The following SEMA6D variants were observed in gnomAD, a reference collection of about 807,000 sequenced individuals.
SEMA6D encodes semaphorin 6D.
SEMA6D carries 35 observed loss-of-function variants against 106.6 expected under a neutral mutation model. That is an observed-to-expected ratio of 0.33 (90% confidence interval 0.25 to 0.44). SEMA6D has a LOEUF of 0.44. Among genes scored for constraint, SEMA6D ranks in the 20% least tolerant of loss-of-function variants. The pLI is 1.00. For synonymous variants in SEMA6D, 499 were observed against 487.7 expected, an observed-to-expected ratio of 1.02 and a Z score of -0.31; for missense variants, 1,185 against 1,345.9, an observed-to-expected ratio of 0.88 and a Z score of 1.87.
intron 1 of SEMA6D, among the ~76,000 whole-genome samples, chr15:47,250,217 T>C (rs1413982724): frequency 6.6e-6 from 1 of 152,162 alleles, no homozygotes; most frequent in Non-Finnish European, 1.5e-5. Context: ...CACTATGATA[T>C]ATCTATTAAC....
chr15:47,463,482 C>T (rs1418167022), intron 2 of SEMA6D, among the ~76,000 whole-genome samples: 2 of 152,160 alleles, frequency 1.3e-5, no homozygotes, highest in African/African-American at 4.8e-5. Flanking sequence ...GCTCAAACGC[C>T]AAAGTTTCTC....
rs536746584 is a variant in SEMA6D, at chr15:47,441,412, T to C, written c.-159+28940T>C. Among the ~76,000 whole-genome samples, 24 of 152,200 alleles carry C rather than the reference T, an allele frequency of 1.6e-4. No homozygotes were observed. In the East Asian group the frequency reaches 4.3e-3, roughly 27 times the overall value. ...TTGGGAGGGTAGGAACAAGGTGTAT[T>C]GAGAAATGACAAAATGGAGTGTTCC... is the stretch of plus-strand genomic sequence containing the variant. On this transcript the variant is annotated intron_variant, in intron 2 of 19. Transcript: ENST00000558014.
At chr15:47,697,117 G>A (rs2078716137) in intron 4 of SEMA6D, among the ~76,000 whole-genome samples, 2 of 152,058 alleles carry the variant, frequency 1.3e-5, no homozygotes, top group African/African-American at 4.8e-5. Context: ...CTTCCTTCTT[G>A]GCACCAGATT....
intron 4 of SEMA6D, among the ~76,000 whole-genome samples, chr15:47,704,322 T>TTATTTTTATTATATTA: frequency 6.6e-6 from 1 of 152,284 alleles, no homozygotes; most frequent in South Asian, 2.1e-4. Context: ...AGTGTTAATA[T>TTATTTTTATTATATTA]ATACCATCAC....
chr15:47,568,913 A>G (rs2046305035), intron 3 of SEMA6D, among the ~76,000 whole-genome samples: 1 of 152,156 alleles, frequency 6.6e-6, no homozygotes, highest in Non-Finnish European at 1.5e-5. Context: ...TATGGCCATC[A>G]TTAATTCTCC....
Position 47,771,253 on chromosome 15 carries a change from T to C in SEMA6D, c.2690T>C (p.Met897Thr), listed in dbSNP as rs1044869823. 9 of 1,613,960 alleles carry C rather than the reference T, an allele frequency of 5.6e-6. No individual in the cohort carries two copies. The highest frequency in any genetic ancestry group is 1.7e-5 in the Admixed American group (1 of 59,992). The change falls in exon 19 of 19, where the codon ATG becomes ACG. Residue 897 changes from methionine to threonine, a missense_variant. Physicochemically the swap from Met to Thr is moderately conservative, Grantham distance 81. Around this residue, in one of 3 missense-constraint regions of SEMA6D, gnomAD observed 750 missense variants for 783.5 expected, o/e 0.96. Transcript: ENST00000536845. Reference protein sequence around the residue: ...NDPNSNPKAIMGDIQMAHQNL... With the variant: ...NDPNSNPKAITGDIQMAHQNL... ...CCAAATAGTAACCCCAAAGCCATCA[T>C]GGGAGACATCCAGATGGCACACCAG... is the stretch of plus-strand genomic sequence containing the variant.
intron 2 of SEMA6D, among the ~76,000 whole-genome samples, chr15:47,428,246 A>G (rs1331395093): frequency 6.6e-6 from 1 of 152,116 alleles, no homozygotes; most frequent in Non-Finnish European, 1.5e-5. Flanking sequence ...ACCCAGCACC[A>G]CGACATATAA....
At chr15:47,438,931 G>A (rs570981241) in intron 2 of SEMA6D, among the ~76,000 whole-genome samples, 1 of 151,780 alleles carries the variant, frequency 6.6e-6, no homozygotes, top group East Asian at 1.9e-4. Flanking sequence ...AATTTTATAC[G>A]GCGCAATCTC....
In SEMA6D at chr15:47,773,557, T is replaced by C. The variant is rs1395789832; in HGVS notation, c.*1772T>C. The stretch of plus-strand genomic sequence containing the variant: ...AGTTCAACTGGATTTCTTTTGACAA[T>C]ACTGTTGGTACCTATTACTTGGGGG... On this transcript the variant is annotated 3_prime_UTR_variant, in exon 19 of 19. Transcript: ENST00000536845. 6.6e-6 allele frequency: 1 copy of C among 152,320 alleles called. No homozygotes were observed. The highest frequency in any genetic ancestry group is 1.5e-5 in the Non-Finnish European group (1 of 68,040). The allele number at this position is 152,320 out of a possible 1,614,324, so 9.4% of individuals were successfully genotyped here. A position where few individuals can be genotyped will look rare whatever the true frequency, so the allele number is the denominator to read the frequency against.
intron 1 of SEMA6D, among the ~76,000 whole-genome samples, chr15:47,350,568 A>G (rs980442378): frequency 2.6e-5 from 4 of 152,158 alleles, no homozygotes; most frequent in African/African-American, 4.8e-5. Context: ...TTCCACTTAA[A>G]CACGATTTTG....
At chr15:47,651,842 C>T (rs1414010853) in intron 4 of SEMA6D, among the ~76,000 whole-genome samples, 1 of 152,176 alleles carries the variant, frequency 6.6e-6, no homozygotes, top group African/African-American at 2.4e-5. Flanking sequence ...ATCTGGTCTC[C>T]AGGACACCTG....
intron 1 of SEMA6D, among the ~76,000 whole-genome samples, chr15:47,348,725 C>CAGAGAGAGAGAGAGAGAGAGAG (rs1398441234): frequency 1.0e-4 from 5 of 47,750 alleles, no homozygotes; most frequent in South Asian, 1.0e-3. Flanking sequence ...ACACCACACA[C>CAGAGAGAGAGAGAGAGAGAGAG]ACAGAGAGAG....
chr15:47,219,463 G>A (rs2030985088), intron 1 of SEMA6D, among the ~76,000 whole-genome samples: 1 of 152,174 alleles, frequency 6.6e-6, no homozygotes, highest in African/African-American at 2.4e-5. Context: ...CTTAAAGACT[G>A]TGATTACTGT....
intron 1 of SEMA6D, among the ~76,000 whole-genome samples, chr15:47,240,573 A>G (rs1993337): frequency 0.98 from 148,586 of 152,212 alleles, 72,634 homozygotes; most frequent in Middle Eastern, 1. Flanking sequence ...TACATCGTGC[A>G]TTGGGATCTC....
In SEMA6D at chr15:47,552,891, A is replaced by AATATATATATATTTTTATATAT. The variant is rs71118186; in HGVS notation, c.-86-47962_-86-47961insTTTTATATATATATATATATAT. 6.0e-3 allele frequency among the ~76,000 whole-genome samples: 211 copies of AATATATATATATTTTTATATAT among 35,290 alleles called. 20 individuals carry two copies. In the South Asian group the frequency reaches 0.06, roughly 10 times the overall value. 23.2% of individuals were successfully genotyped at this position (35,290 alleles called of 152,430 possible). A position where few individuals can be genotyped will look rare whatever the true frequency, so the allele number is the denominator to read the frequency against. On this transcript the variant is annotated intron_variant, in intron 3 of 19. Coordinates refer to the SEMA6D transcript ENST00000558014. ...TTTTATATATATATAAATATATATA[A>AATATATATATATTTTTATATAT]ATATATATATATATAAATATATATA...
At chr15:47,354,276 A>T (rs1378324963) in intron 1 of SEMA6D, among the ~76,000 whole-genome samples, 1 of 138,512 alleles carries the variant, frequency 7.2e-6, no homozygotes, top group African/African-American at 2.9e-5. Context: ...GACAAGAATT[A>T]TATATATATA....
intron 2 of SEMA6D, among the ~76,000 whole-genome samples, chr15:47,454,554 G>A (rs1254586857): frequency 6.6e-6 from 1 of 151,364 alleles, no homozygotes; most frequent in African/African-American, 2.4e-5. Context: ...CTGTGAGACA[G>A]CTAAAGATGC....
chr15:47,556,442 G>C (rs186212978), intron 3 of SEMA6D, among the ~76,000 whole-genome samples: 1 of 152,058 alleles, frequency 6.6e-6, no homozygotes, highest in Non-Finnish European at 1.5e-5. Flanking sequence ...TTCTGAGAAC[G>C]CTTGCTTATC....
chr15:47,345,820 C>T (rs1434555890), intron 1 of SEMA6D, among the ~76,000 whole-genome samples: 9 of 152,188 alleles, frequency 5.9e-5, no homozygotes. Flanking sequence ...TCAGTGGTTA[C>T]CTGAGGATGG....
Sources: gnomAD v4.1 joint callset for allele counts (sites outside exome capture counted in the v4.1 genomes callset) on GRCh38, gnomAD v4.1.1 for gene constraint, gnomAD v4.1.1 regional missense constraint, MANE v1.5 for transcripts, NCBI Gene and HGNC (gene_info 2026-07-23, HGNC 2026-07-21) for gene names.